EIF2AK1: variants seen among roughly 807,000 people sequenced by gnomAD.
The protein encoded by EIF2AK1 is eukaryotic translation initiation factor 2 alpha kinase 1.
Under a neutral mutation model 77.9 loss-of-function variants are expected in EIF2AK1, and 54 were observed. That is an observed-to-expected ratio of 0.69 (90% CI 0.56 to 0.87). EIF2AK1 has a LOEUF of 0.87. EIF2AK1 is among the 40% of genes least tolerant of loss of function. EIF2AK1 has a pLI of 0.00. For missense variants in EIF2AK1, 810 were observed against 768.6 expected, an observed-to-expected ratio of 1.05 and a Z score of -0.64; for synonymous variants, 314 against 290.5, an observed-to-expected ratio of 1.08 and a Z score of -0.82.
chr7:6,036,059 C>A lies in EIF2AK1; in HGVS notation c.1332+1365G>T. On this transcript the variant is annotated intron_variant, in intron 11 of 14. Coordinates refer to ENST00000199389, the MANE Select transcript of EIF2AK1 (RefSeq NM_014413.4). The surrounding 1 kb of genome is among the most constrained non-coding windows in gnomAD (Gnocchi z 4.6). The stretch of plus-strand genomic sequence containing the variant: ...CAAATGTTAACATTTTAACAAGAAA[C>A]GGGGAATCTCCAATTTATATGTACC... 1.3e-6 allele frequency: 2 copies of A among 1,550,930 alleles called. No individual in the cohort carries two copies. Among genetic ancestry groups the A allele is most frequent in the African/African-American group, 1.4e-5 (1 of 73,094 alleles).
chr7:6,031,621 G>C, intron 11 of EIF2AK1: 1 of 1,537,068 alleles, frequency 6.5e-7, no homozygotes, highest in Non-Finnish European at 8.8e-7. Context: ...GTCACTTCTG[G>C]AAAAAAGTCA....
chr7:6,023,479 G>A lies in EIF2AK1; in HGVS notation c.*1194C>T. 6.2e-7 allele frequency: 1 copy of A among 1,614,136 alleles called. No individual in the cohort carries two copies. The highest frequency in any genetic ancestry group is 8.5e-7 in the Non-Finnish European group (1 of 1,179,970). On this transcript the variant is annotated 3_prime_UTR_variant, in exon 15 of 15. Coordinates refer to ENST00000199389, the MANE Select transcript of EIF2AK1 (RefSeq NM_014413.4). ...TCAGTTAAAAGAGGGAAGCAGTAAA[G>A]AAAAAGCCGCTGTTTTCCGCTCCAT...
rs374570028 is a variant in EIF2AK1 at position 6,028,754 on chromosome 7, A to C, written c.1448-57T>G. 102 of 1,547,664 alleles carry C rather than the reference A, an allele frequency of 6.6e-5. No homozygotes were observed. In the African/African-American group the frequency reaches 1.2e-3, roughly 19 times the overall value. On this transcript the variant is annotated intron_variant, in intron 12 of 14. Coordinates refer to ENST00000199389, the MANE Select transcript of EIF2AK1 (RefSeq NM_014413.4). ...GCAGTTAGCGCTGTCAACATTAAAG[A>C]ACATTTACTATGAGGAAGCAGTGTA...
chr7:6,037,579 G>A (rs1788143904), intron 10 of EIF2AK1, 55 bp from the exon 11 acceptor site: 1 of 1,036,012 alleles, frequency 9.7e-7, no homozygotes, highest in African/African-American at 1.6e-5. Context: ...CATTACATGG[G>A]CATCTAAATA....
chr7:6,028,663 A>C lies in EIF2AK1; in HGVS notation c.1482T>G (p.Cys494Trp), dbSNP rs1233229138. 6.2e-7 allele frequency: 1 copy of C among 1,614,246 alleles called. No homozygotes were observed. The highest frequency in any genetic ancestry group is 1.1e-5 in the South Asian group (1 of 91,092). Reference sequence around the variant, plus strand: ...CCAACTGTTCGGGTGAAGCGTACAGACAAGTACCCACTCTGGACGTATGTG... The same window carrying C: ...CCAACTGTTCGGGTGAAGCGTACAGCCAAGTACCCACTCTGGACGTATGTG... ...TPTHTSRVGT[C>W]LYASPEQLEG... The change falls in exon 13 of 15, where the codon TGT becomes TGG. Residue 494 changes from cysteine to tryptophan, a missense_variant. Cys to Trp is a radical substitution (Grantham distance 215, BLOSUM62 -2). Coordinates refer to ENST00000199389, the MANE Select transcript of EIF2AK1 (RefSeq NM_014413.4).
intron 6 of EIF2AK1, 65 bp downstream of exon 6, chr7:6,046,006 T>C: frequency 9.1e-7 from 1 of 1,104,276 alleles, no homozygotes; most frequent in Non-Finnish European, 1.3e-6. Context: ...CATATACATG[T>C]ATAACTCTTT....
intron 1 of EIF2AK1, among the ~76,000 whole-genome samples, chr7:6,056,059 G>A (rs1347854045): frequency 6.7e-6 from 1 of 148,440 alleles, no homozygotes; most frequent in Non-Finnish European, 1.5e-5. Flanking sequence ...TAGAGAGGCC[G>A]AGGCAAGCAG....
At position 6,027,835 on chromosome 7, in the gene EIF2AK1, G is replaced by A. The variant is rs1787793495; in HGVS notation, c.1530+780C>T. 1 of 370,442 alleles carries A rather than the reference G, an allele frequency of 2.7e-6. No homozygotes were observed. Among genetic ancestry groups the A allele is most frequent in the South Asian group, 2.0e-5 (1 of 50,954 alleles). The allele number at this position is 370,442 out of a possible 1,614,324, so 22.9% of individuals were successfully genotyped here. On this transcript the variant is annotated intron_variant, in intron 13 of 14. Coordinates refer to ENST00000199389, the MANE Select transcript of EIF2AK1 (RefSeq NM_014413.4). The surrounding 1 kb of genome is among the most constrained non-coding windows in gnomAD (Gnocchi z 4.5). The stretch of plus-strand genomic sequence containing the variant: ...ATCCCAGCACTTTGGGAGGCCAAGG[G>A]AGGAGAATCATTTGAGGCCAGGAGT...
Position 6,030,148 on chromosome 7 carries a change from A to G in EIF2AK1, c.1333-1116T>C, listed in dbSNP as rs566504602. 8.5e-5 allele frequency among the ~76,000 whole-genome samples: 13 copies of G among 152,342 alleles called. No homozygotes were observed. In the East Asian group the frequency reaches 2.1e-3, roughly 25 times the overall value. On this transcript the variant is annotated intron_variant, in intron 11 of 14. Transcript: ENST00000199389. ...TGGCTCATCCACCTGGAAGATCACA[A>G]TAAGTGAACAGGATGTAGAGGAGTC... is the stretch of plus-strand genomic sequence containing the variant.
At chr7:6,040,409 C>T (rs540218884) in intron 9 of EIF2AK1, among the ~76,000 whole-genome samples, 3 of 152,120 alleles carry the variant, frequency 2.0e-5, no homozygotes, top group South Asian at 2.1e-4. Flanking sequence ...ATGGTGGCAG[C>T]GTGGCCATGG....
chr7:6,054,807 A>G, intron 1 of EIF2AK1, 103 bp from the exon 2 acceptor site: 2 of 1,233,156 alleles, frequency 1.6e-6, no homozygotes, highest in South Asian at 1.5e-5. Context: ...TTTAAATGTA[A>G]GCAGATAAAA....
chr7:6,031,424 G>T, intron 11 of EIF2AK1: 1 of 1,550,810 alleles, frequency 6.4e-7, no homozygotes, highest in Non-Finnish European at 8.7e-7. Context: ...GGTTGACAGT[G>T]CCAAGTCCCT....
At chr7:6,058,176 G>A (rs1261785670) in intron 1 of EIF2AK1, 11 of 455,494 alleles carry the variant, frequency 2.4e-5, no homozygotes, top group Non-Finnish European at 4.4e-5. Flanking sequence ...TTGGAAGGCC[G>A]AGGCGGGAGA....
intron 6 of EIF2AK1, among the ~76,000 whole-genome samples, chr7:6,045,404 C>A (rs190219904): frequency 8.9e-4 from 136 of 152,176 alleles, no homozygotes; most frequent in Middle Eastern, 6.8e-3. Context: ...CTGCACCTGG[C>A]CAATATAATG....
intron 7 of EIF2AK1, 79 bp downstream of exon 7, chr7:6,044,483 A>G (rs559181595): frequency 2.0e-5 from 24 of 1,227,972 alleles, no homozygotes; most frequent in Non-Finnish European, 2.8e-5. Context: ...GTATGTACAA[A>G]AACAAAGGCA....
intron 4 of EIF2AK1, 79 bp from the exon 5 acceptor site, chr7:6,047,170 T>G: frequency 7.3e-7 from 1 of 1,378,500 alleles, no homozygotes; most frequent in South Asian, 1.2e-5. Context: ...CTCACAGGAT[T>G]ACTAACCTCA....
chr7:6,026,678 G>T (rs373367247), intron 14 of EIF2AK1, 50 bp downstream of exon 14: 6 of 1,464,932 alleles, frequency 4.1e-6, no homozygotes, highest in Non-Finnish European at 5.7e-6. Context: ...CCCAAGAGAG[G>T]CAATAAAAAC....
rs1787778619 is a variant in EIF2AK1 at position 6,027,398 on chromosome 7, A to C, written c.1531-437T>G. Among the ~76,000 whole-genome samples, 1 of 152,130 alleles carries C rather than the reference A, an allele frequency of 6.6e-6. No individual in the cohort carries two copies. The highest frequency in any genetic ancestry group is 2.1e-4 in the South Asian group (1 of 4,826). On this transcript the variant is annotated intron_variant, in intron 13 of 14. Coordinates refer to ENST00000199389, the MANE Select transcript of EIF2AK1 (RefSeq NM_014413.4). This position sits in a 1 kb window ranked among gnomAD's most constrained non-coding sequence, Gnocchi z 4.5. ...TTGGTGACATTTAACAAACTGCATA[A>C]AATCTGTGATACTACTCCTAAAAAC...
chr7:6,034,634 G>A (rs1420318218), intron 11 of EIF2AK1, among the ~76,000 whole-genome samples: 2 of 152,214 alleles, frequency 1.3e-5, no homozygotes, highest in Non-Finnish European at 2.9e-5. Flanking sequence ...GGGGCCACCT[G>A]CTGTTTCACC....
Sources: gnomAD v4.1 joint callset for allele counts (sites outside exome capture counted in the v4.1 genomes callset) on GRCh38, gnomAD v4.1.1 for gene constraint, Gnocchi (gnomAD v3.1) non-coding constraint, MANE v1.5 for transcripts, NCBI Gene and HGNC (gene_info 2026-07-23, HGNC 2026-07-21) for gene names.